Variants in GPR107 observed in about 807,000 individuals in gnomAD.
GPR107 encodes protein GPR107.
In GPR107, 31 loss-of-function variants were observed where a neutral mutation model predicts 75.5. The observed-to-expected ratio is 0.41, with a 90% CI of 0.31 to 0.55. The LOEUF (loss-of-function observed/expected upper bound fraction) is 0.55. Ranked by LOEUF, GPR107 falls within the 20% of genes least tolerant of loss-of-function variation. The pLI is 0.26. For missense variants in GPR107, 572 were observed against 665.7 expected (o/e 0.86, Z 1.55); for synonymous variants, 267 against 251.3 (o/e 1.06, Z -0.59).
At chr9:130,107,628 T>C (rs923792922) in intron 14 of GPR107, 89 bp downstream of exon 14, 5 of 872,534 alleles carry the variant, frequency 5.7e-6, no homozygotes, top group African/African-American at 3.3e-5. Flanking sequence ...CAGCCTATGG[T>C]GTCAAGATGC....
intron 14 of GPR107, among the ~76,000 whole-genome samples, chr9:130,122,076 G>T (rs893711269): frequency 2.0e-5 from 3 of 152,030 alleles, no homozygotes; most frequent in Admixed American, 2.0e-4. Context: ...AATTTTAGTA[G>T]AGACGGGGGT....
chr9:130,059,373 A>G (rs998469878), intron 1 of GPR107, among the ~76,000 whole-genome samples: 1 of 152,146 alleles, frequency 6.6e-6, no homozygotes, highest in African/African-American at 2.4e-5. Context: ...CTGCAATCCA[A>G]GCTACTGGGG....
In GPR107 at chr9:130,097,155, CTTTTTT is replaced by C. The variant is rs71387312; in HGVS notation, c.864-2290_864-2285del. Among the ~76,000 whole-genome samples, 10 of 130,188 alleles carry C rather than the reference CTTTTTT, an allele frequency of 7.7e-5. No individual in the cohort carries two copies. In the South Asian group the frequency reaches 1.2e-3, roughly 15 times the overall value. 85.4% of individuals were successfully genotyped at this position (130,188 alleles called of 152,430 possible). ...TCTTTTCTTTACTTTTCTTTTTTTT[CTTTTTT>C]TTTTTTTTTTTGAGACAGAGTCTCA... is the stretch of plus-strand genomic sequence containing the variant. On this transcript the variant is annotated intron_variant, in intron 9 of 17. Coordinates refer to ENST00000347136, the MANE Select transcript of GPR107 (RefSeq NM_020960.5).
intron 14 of GPR107, among the ~76,000 whole-genome samples, chr9:130,113,262 T>C (rs1259512484): frequency 6.6e-6 from 1 of 150,736 alleles, no homozygotes; most frequent in East Asian, 2.0e-4. Flanking sequence ...TTTTTTTTTT[T>C]TTTTCCTTGA....
chr9:130,114,681 C>A, intron 14 of GPR107: 1 of 1,043,948 alleles, frequency 9.6e-7, no homozygotes, highest in Admixed American at 5.2e-5. Context: ...CCACTGGACC[C>A]ATCCTGTTTT....
At chr9:130,102,413 C>G (rs1831053663) in intron 12 of GPR107, among the ~76,000 whole-genome samples, 1 of 152,180 alleles carries the variant, frequency 6.6e-6, no homozygotes, top group Non-Finnish European at 1.5e-5. Context: ...CTGAACCAGG[C>G]TGTCGTGGGG....
intron 1 of GPR107, among the ~76,000 whole-genome samples, chr9:130,057,853 CAG>C (rs1246191700): frequency 1.4e-5 from 2 of 143,886 alleles, no homozygotes; most frequent in Non-Finnish European, 3.0e-5. Flanking sequence ...TTTTTTGAGA[CAG>C]AGTTTTGCTC....
intron 7 of GPR107, among the ~76,000 whole-genome samples, chr9:130,086,892 C>T (rs941285955): frequency 1.3e-5 from 2 of 152,094 alleles, no homozygotes; most frequent in African/African-American, 4.8e-5. Flanking sequence ...GACTCAGAGG[C>T]TTTGAGTGAC....
At chr9:130,121,165 C>T (rs936109565) in intron 14 of GPR107, among the ~76,000 whole-genome samples, 18 of 150,646 alleles carry the variant, frequency 1.2e-4, no homozygotes, top group Non-Finnish European at 2.4e-4. Flanking sequence ...TGGGAGACAG[C>T]GAGTGAGACC....
intron 8 of GPR107, 45 bp from the exon 9 acceptor site, chr9:130,092,203 T>G (rs10988589): frequency 3.9e-6 from 6 of 1,543,070 alleles, no homozygotes; most frequent in Non-Finnish European, 4.5e-6. Context: ...GAATAAGGGA[T>G]GATATGTTTC....
rs1329528332 is a variant in GPR107, at chr9:130,077,305, G to A, written c.313G>A (p.Asp105Asn). 5 of 1,519,598 alleles carry A rather than the reference G, an allele frequency of 3.3e-6. No individual in the cohort carries two copies. Among genetic ancestry groups the A allele is most frequent in the South Asian group, 1.1e-5 (1 of 89,228 alleles). 94.1% of individuals were successfully genotyped at this position (1,519,598 alleles called of 1,614,324 possible). A position where few individuals can be genotyped will look rare whatever the true frequency, so the allele number is the denominator to read the frequency against. The stretch of plus-strand genomic sequence containing the variant: ...TTGGCTCTTCCTTTCTCAGGATGAA[G>A]ATGTGAATTACTGTATTTTAAAGAA... Reference protein sequence around the residue: ...NDGFSSYLDEDVNYCILKKQS... With the variant: ...NDGFSSYLDENVNYCILKKQS... Residue 105 changes from aspartate (D) to asparagine (N), a missense_variant, in exon 4 of 18, where the codon GAT becomes AAT. Transcript: ENST00000347136.
chr9:130,078,523 A>G (rs749885029), intron 4 of GPR107, among the ~76,000 whole-genome samples: 4 of 152,206 alleles, frequency 2.6e-5, no homozygotes, highest in Admixed American at 6.5e-5. Context: ...CAAGCAACAA[A>G]AGACTTGACT....
intron 12 of GPR107, among the ~76,000 whole-genome samples, chr9:130,102,908 C>T (rs149827942): frequency 0.015 from 2,219 of 152,094 alleles, 47 homozygotes; most frequent in African/African-American, 0.044. Context: ...CTCAGTCTCC[C>T]GAGTAGCTGA....
intron 1 of GPR107, among the ~76,000 whole-genome samples, chr9:130,074,791 A>G (rs1830301732): frequency 6.6e-6 from 1 of 152,000 alleles, no homozygotes; most frequent in Non-Finnish European, 1.5e-5. Context: ...GCTTAGCTTC[A>G]TTCTTTATCC....
At chr9:130,081,474 C>T (rs1258373691) in intron 5 of GPR107, among the ~76,000 whole-genome samples, 3 of 151,772 alleles carry the variant, frequency 2.0e-5, no homozygotes, top group Non-Finnish European at 4.4e-5. Context: ...GAGATTGAGA[C>T]CATCCTGGCC....
intron 2 of GPR107, among the ~76,000 whole-genome samples, chr9:130,076,198 A>G (rs1236733829): frequency 6.6e-6 from 1 of 152,244 alleles, no homozygotes; most frequent in African/African-American, 2.4e-5. Context: ...ATCAGGCATC[A>G]AATAATTTCA....
At chr9:130,130,889 A>AC (rs1554898976) in intron 17 of GPR107, among the ~76,000 whole-genome samples, 1 of 150,124 alleles carries the variant, frequency 6.7e-6, no homozygotes, top group African/African-American at 2.5e-5. Context: ...AAAAAAAAAA[A>AC]AAAACGCATG....
chr9:130,098,953 CG>C (rs1757373432), intron 9 of GPR107, among the ~76,000 whole-genome samples: 3 of 151,848 alleles, frequency 2.0e-5, no homozygotes, highest in African/African-American at 7.2e-5. Flanking sequence ...GTGGAGTTAG[CG>C]GGGAGCCAAG....
chr9:130,115,469 TA>T (rs36079484), intron 14 of GPR107, among the ~76,000 whole-genome samples: 47,444 of 149,044 alleles, frequency 0.32, 7,612 homozygotes, highest in Non-Finnish European at 0.38. Context: ...TGTTTTCTTT[TA>T]AAAAAAAAAA....
Sources: gnomAD v4.1 joint callset for allele counts (sites outside exome capture counted in the v4.1 genomes callset) on GRCh38, gnomAD v4.1.1 for gene constraint, MANE v1.5 for transcripts, NCBI Gene and HGNC (gene_info 2026-07-23, HGNC 2026-07-21) for gene names.